PLPP1: variants seen among roughly 807,000 people sequenced by gnomAD.
PLPP1 encodes the protein lipid phosphate phosphohydrolase 1a.
In PLPP1, 24 loss-of-function variants were observed where a neutral mutation model predicts 31.2. The observed-to-expected ratio is 0.77, with a 90% CI of 0.56 to 1.08. The LOEUF (loss-of-function observed/expected upper bound fraction) is 1.08, where lower values mean the gene tolerates loss of function less well. PLPP1 is among the 50% of genes least tolerant of loss of function. The pLI, the probability that PLPP1 is intolerant of heterozygous loss-of-function variation, is 0.00. For missense variants in PLPP1, 319 were observed against 342.7 expected, an observed-to-expected ratio of 0.93 and a Z score of 0.55; for synonymous variants, 146 against 126.3, an observed-to-expected ratio of 1.16 and a Z score of -1.05.
At chr5:55,477,349 C>A (rs1752573909) in intron 1 of PLPP1, among the ~76,000 whole-genome samples, 1 of 151,366 alleles carries the variant, frequency 6.6e-6, no homozygotes, top group South Asian at 2.1e-4. Context: ...ACCCAATGAG[C>A]AAATTTATTT....
At chr5:55,454,346 C>T (rs912756145) in intron 3 of PLPP1, among the ~76,000 whole-genome samples, 2 of 152,160 alleles carry the variant, frequency 1.3e-5, no homozygotes, top group Non-Finnish European at 1.5e-5. Context: ...CTGCAAACCT[C>T]ATTCTCCCAG....
chr5:55,465,900 C>A (rs886856281), intron 3 of PLPP1, among the ~76,000 whole-genome samples: 1 of 152,142 alleles, frequency 6.6e-6, no homozygotes, highest in Admixed American at 6.5e-5. Flanking sequence ...TCCTAGCCAT[C>A]CAATTAAAGA....
At chr5:55,431,543 T>G (rs949708959) in intron 4 of PLPP1, among the ~76,000 whole-genome samples, 1 of 35,518 alleles carries the variant, frequency 2.8e-5, no homozygotes, top group Non-Finnish European at 8.1e-5. Flanking sequence ...GGTCAGGGAA[T>G]AAATTAAAGG....
intron 1 of PLPP1, chr5:55,530,592 T>C (rs1740627895): frequency 5.2e-6 from 7 of 1,353,484 alleles, no homozygotes; most frequent in Non-Finnish European, 5.3e-6. Flanking sequence ...AGATTTGCAA[T>C]GAAGTCTCAT....
intron 1 of PLPP1, among the ~76,000 whole-genome samples, chr5:55,476,756 G>A (rs1274985844): frequency 2.6e-5 from 4 of 152,080 alleles, no homozygotes; most frequent in Admixed American, 6.5e-5. Flanking sequence ...AGGCCCTAAA[G>A]GCTAAATGAC....
rs748716631 is a variant in PLPP1, at chr5:55,534,663, G to A, written c.-34C>T. The A allele has an allele frequency of 2.0e-6, 3 of 1,526,288 alleles. No homozygotes were observed. Among genetic ancestry groups the A allele is most frequent in the Non-Finnish European group, 1.8e-6 (2 of 1,138,064 alleles). The allele number at this position is 1,526,288 out of a possible 1,614,324, so 94.5% of individuals were successfully genotyped here. The stretch of plus-strand genomic sequence containing the variant: ...CCCGGGCTGCCCGGCAAGGGCGATG[G>A]ACTGAGCTGCGGGACGGCGGCCGAG... On this transcript the variant is annotated 5_prime_UTR_variant, in exon 1 of 6. Transcript: ENST00000307259.
intron 2 of PLPP1, among the ~76,000 whole-genome samples, chr5:55,474,750 G>T (rs1050329341): frequency 1.8e-4 from 27 of 152,146 alleles, no homozygotes; most frequent in Non-Finnish European, 5.9e-5. Flanking sequence ...CATACATACA[G>T]ATACAATAAA....
intron 4 of PLPP1, among the ~76,000 whole-genome samples, chr5:55,439,861 T>C (rs1160586908): frequency 6.6e-6 from 1 of 152,224 alleles, no homozygotes; most frequent in Non-Finnish European, 1.5e-5. Flanking sequence ...GTCAAAGTTA[T>C]GTGTCAGTCA....
Position 55,464,862 on chromosome 5 carries a change from T to C in PLPP1, c.491+3007A>G, listed in dbSNP as rs1314569030. 2.0e-5 allele frequency among the ~76,000 whole-genome samples: 3 copies of C among 152,148 alleles called. No individual in the cohort carries two copies. The East Asian group carries it at 5.8e-4, about 29-fold the overall frequency. On this transcript the variant is annotated intron_variant, in intron 3 of 5. Transcript: ENST00000307259. ...ACAAGCTTTTCAAATATCTGAAAAC[T>C]TGACTGTAATGGTAAATAACTTTAC... is the stretch of plus-strand genomic sequence containing the variant.
At position 55,468,305 on chromosome 5, in the gene PLPP1, T is replaced by A. The variant is rs1181326148; in HGVS notation, c.211-156A>T. The A allele has an allele frequency of 4.7e-6, 3 of 637,114 alleles. No homozygotes were observed. In the African/African-American group the frequency reaches 5.5e-5, roughly 12 times the overall value. The allele number at this position is 637,114 out of a possible 1,614,324, so 39.5% of individuals were successfully genotyped here. On this transcript the variant is annotated intron_variant, in intron 2 of 5. Transcript: ENST00000307259. ...TTTTTCTTTACAATGGAGAGTCAAC[T>A]TAGGATATCCAATTCTAAACCACAA...
intron 1 of PLPP1, among the ~76,000 whole-genome samples, chr5:55,493,703 C>T (rs1752944582): frequency 6.6e-6 from 1 of 151,878 alleles, no homozygotes. Flanking sequence ...CTGGCTAACA[C>T]AGTGAAACCC....
intron 1 of PLPP1, among the ~76,000 whole-genome samples, chr5:55,496,958 T>TAGAA (rs1561246978): frequency 6.6e-6 from 1 of 152,192 alleles, no homozygotes; most frequent in Non-Finnish European, 1.5e-5. Context: ...TGTTAATCCC[T>TAGAA]AATATGTAGA....
At chr5:55,480,060 A>C (rs1381089479) in intron 1 of PLPP1, among the ~76,000 whole-genome samples, 2 of 152,236 alleles carry the variant, frequency 1.3e-5, no homozygotes, top group Admixed American at 6.5e-5. Context: ...GAGAAATGCA[A>C]ACATTTAAAT....
At chr5:55,490,128 T>C (rs866732025) in intron 1 of PLPP1, among the ~76,000 whole-genome samples, 7 of 150,618 alleles carry the variant, frequency 4.6e-5, no homozygotes, top group Admixed American at 1.3e-4. Flanking sequence ...AAGTAAGAAA[T>C]AGTGACTTTT....
intron 1 of PLPP1, among the ~76,000 whole-genome samples, chr5:55,478,092 T>C (rs1752596346): frequency 6.6e-6 from 1 of 152,264 alleles, no homozygotes; most frequent in South Asian, 2.1e-4. Flanking sequence ...TAGGCCCTAA[T>C]ACACATGCCC....
chr5:55,455,934 G>T (rs1751995748), intron 3 of PLPP1, among the ~76,000 whole-genome samples: 1 of 152,062 alleles, frequency 6.6e-6, no homozygotes, highest in African/African-American at 2.4e-5. Context: ...AAATTTAAGG[G>T]CCATGGATCT....
At chr5:55,530,969 C>G (rs1263312271) in intron 1 of PLPP1, among the ~76,000 whole-genome samples, 1 of 152,194 alleles carries the variant, frequency 6.6e-6, no homozygotes, top group South Asian at 2.1e-4. Flanking sequence ...GGTGACGGCC[C>G]GGGGCTCGAT....
intron 2 of PLPP1, 94 bp from the exon 3 acceptor site, chr5:55,468,243 C>CA: frequency 8.7e-7 from 1 of 1,148,174 alleles, no homozygotes; most frequent in Non-Finnish European, 1.2e-6. Context: ...TGGTAAATCG[C>CA]AAAAATATCT....
chr5:55,518,231 G>GA (rs1025675679), intron 1 of PLPP1, among the ~76,000 whole-genome samples: 10 of 152,324 alleles, frequency 6.6e-5, no homozygotes, highest in Admixed American at 5.2e-4. Flanking sequence ...CTAATGAGAA[G>GA]AATCACCTGA....
Sources: gnomAD v4.1 joint callset for allele counts (sites outside exome capture counted in the v4.1 genomes callset) on GRCh38, gnomAD v4.1.1 for gene constraint, MANE v1.5 for transcripts, NCBI Gene and HGNC (gene_info 2026-07-23, HGNC 2026-07-21) for gene names.